Variants in HTR2C observed in about 807,000 individuals in gnomAD.
The protein encoded by HTR2C is 5-hydroxytryptamine receptor 2C.
A neutral mutation model predicts 21.0 loss-of-function variants in HTR2C; 5 were observed. That is an observed-to-expected ratio of 0.24 (90% confidence interval 0.12 to 0.50). The LOEUF (loss-of-function observed/expected upper bound fraction) is 0.50, where lower values mean the gene tolerates loss of function less well. Ranked by LOEUF, HTR2C falls within the 20% of genes least tolerant of loss-of-function variation. The pLI is 0.98. For synonymous variants in HTR2C, 150 were observed against 145.3 expected (o/e 1.03, Z -0.23); for missense variants, 271 against 371.2 (o/e 0.73, Z 2.22).
At chrX:114,683,793 C>CA (rs1931827111) in intron 2 of HTR2C, among the ~76,000 whole-genome samples, 1 of 110,440 alleles carries the variant, frequency 9.1e-6, no homozygotes, top group African/African-American at 3.3e-5. Flanking sequence ...GATTCCATCT[C>CA]AAAAAAGCAA....
chrX:114,901,757 T>C (rs1438533441), intron 5 of HTR2C, among the ~76,000 whole-genome samples: 1 of 111,772 alleles, frequency 8.9e-6, no homozygotes, highest in Non-Finnish European at 1.9e-5. Context: ...CAGCACAACA[T>C]GAATTATAAC....
chrX:114,810,967 A>G (rs1389837273), intron 4 of HTR2C, among the ~76,000 whole-genome samples: 3 of 111,506 alleles, frequency 2.7e-5, no homozygotes, highest in Non-Finnish European at 5.6e-5. Flanking sequence ...AAACCAGTTT[A>G]TATATTTTAT....
At position 114,723,821 on chromosome X, in the gene HTR2C, C is replaced by T. The variant is rs368373128; in HGVS notation, c.-79-3037C>T. On this transcript the variant is annotated intron_variant, in intron 2 of 5. Coordinates refer to ENST00000276198, the MANE Select transcript of HTR2C (RefSeq NM_000868.4). ...GTTGTTCAGTTTCCATGTAGTTGAG[C>T]GGTTTTGAGTGAGATTCTTAATCCT... Among the ~76,000 whole-genome samples, 22 of 105,547 alleles carry T rather than the reference C, an allele frequency of 2.1e-4. No individual in the cohort carries two copies. The East Asian group carries it at 2.4e-3, about 12-fold the overall frequency. 91.7% of individuals were successfully genotyped at this position (105,547 alleles called of 115,157 possible).
chrX:114,887,787 C>T (rs918876499), intron 5 of HTR2C, among the ~76,000 whole-genome samples: 24 of 110,171 alleles, frequency 2.2e-4, no homozygotes, highest in African/African-American at 7.6e-4. Context: ...TTTGGGAGGC[C>T]GAGGTGGGCA....
At chrX:114,610,601 G>A (rs1393347640) in intron 1 of HTR2C, among the ~76,000 whole-genome samples, 3 of 111,504 alleles carry the variant, frequency 2.7e-5, no homozygotes, top group African/African-American at 9.8e-5. Flanking sequence ...TTTGTAGAAT[G>A]GAATGGCATG....
intron 2 of HTR2C, among the ~76,000 whole-genome samples, chrX:114,708,648 T>G (rs782316807): frequency 9.1e-6 from 1 of 109,452 alleles, no homozygotes; most frequent in Non-Finnish European, 1.9e-5. Context: ...TAAAAAAAAT[T>G]TTTTTTAAAT....
chrX:114,854,198 G>T (rs2070940659), intron 5 of HTR2C, among the ~76,000 whole-genome samples: 1 of 110,904 alleles, frequency 9.0e-6, no homozygotes, highest in African/African-American at 3.3e-5. Flanking sequence ...ACATTATTAA[G>T]GATTCCAGAG....
chrX:114,877,354 C>G (rs1168798480), intron 5 of HTR2C, among the ~76,000 whole-genome samples: 1 of 110,629 alleles, frequency 9.0e-6, no homozygotes, highest in African/African-American at 3.3e-5. Flanking sequence ...CTTGGTTAGT[C>G]TAACTAAAGG....
chrX:114,841,665 C>A (rs1235479335), intron 4 of HTR2C, among the ~76,000 whole-genome samples: 1 of 110,373 alleles, frequency 9.1e-6, no homozygotes, highest in Non-Finnish European at 1.9e-5. Context: ...GGCTTGAACC[C>A]GGAAGGCAGA....
At chrX:114,858,705 G>A (rs1399419931) in intron 5 of HTR2C, among the ~76,000 whole-genome samples, 1 of 109,765 alleles carries the variant, frequency 9.1e-6, no homozygotes, top group African/African-American at 3.3e-5. Context: ...TGATTGCACT[G>A]GTAGGACTTA....
At chrX:114,647,351 G>A (rs1930400331) in intron 2 of HTR2C, among the ~76,000 whole-genome samples, 2 of 111,581 alleles carry the variant, frequency 1.8e-5, no homozygotes, top group Non-Finnish European at 3.8e-5. Context: ...TCCCATAAAT[G>A]CATACAATTA....
At chrX:114,802,683 A>T (rs868922190) in intron 4 of HTR2C, among the ~76,000 whole-genome samples, 8 of 66,792 alleles carry the variant, frequency 1.2e-4, no homozygotes, top group Non-Finnish European at 2.0e-4. Flanking sequence ...CTATGCTTAG[A>T]TTCTTTCTTT....
At chrX:114,835,837 T>C (rs2070776623) in intron 4 of HTR2C, among the ~76,000 whole-genome samples, 1 of 110,347 alleles carries the variant, frequency 9.1e-6, no homozygotes, top group African/African-American at 3.3e-5. Flanking sequence ...CTTTGTGGTT[T>C]TATCTACTTT....
intron 4 of HTR2C, among the ~76,000 whole-genome samples, chrX:114,834,242 T>C (rs1421272864): frequency 9.1e-6 from 1 of 110,125 alleles, no homozygotes. Flanking sequence ...CTGAGTTCAA[T>C]TCCTGGGTAT....
At chrX:114,586,509 G>T (rs1336879821) in intron 1 of HTR2C, among the ~76,000 whole-genome samples, 1 of 111,608 alleles carries the variant, frequency 9.0e-6, no homozygotes, top group Admixed American at 9.5e-5. Context: ...CTGAAATTCG[G>T]AAGGTGGATA....
intron 2 of HTR2C, among the ~76,000 whole-genome samples, chrX:114,670,771 AC>A (rs1556411559): frequency 8.9e-6 from 1 of 112,540 alleles, no homozygotes; most frequent in Admixed American, 9.4e-5. Flanking sequence ...CTATATGCAA[AC>A]CCATAGACTA....
chrX:114,870,782 T>G (rs1291984890), intron 5 of HTR2C, among the ~76,000 whole-genome samples: 4 of 111,894 alleles, frequency 3.6e-5, no homozygotes, highest in African/African-American at 1.3e-4. Context: ...CTTTTTCATG[T>G]TTGATTTTAT....
intron 2 of HTR2C, among the ~76,000 whole-genome samples, chrX:114,700,922 C>T (rs782364775): frequency 1.4e-4 from 16 of 111,288 alleles, no homozygotes; most frequent in East Asian, 5.6e-4. Context: ...GCACCTGGCT[C>T]GGAGGGTCCT....
chrX:114,632,149 G>A (rs1442161504), intron 2 of HTR2C, among the ~76,000 whole-genome samples: 1 of 112,195 alleles, frequency 8.9e-6, no homozygotes, highest in Non-Finnish European at 1.9e-5. Flanking sequence ...ATAAAACAAG[G>A]TACTGTTTTA....
Sources: gnomAD v4.1 joint callset for allele counts (sites outside exome capture counted in the v4.1 genomes callset) on GRCh38, gnomAD v4.1.1 for gene constraint, MANE v1.5 for transcripts, NCBI Gene and HGNC (gene_info 2026-07-23, HGNC 2026-07-21) for gene names.